RPS6KA2: variants seen among roughly 807,000 people sequenced by gnomAD.
RPS6KA2 encodes ribosomal protein S6 kinase alpha-2.
In RPS6KA2, 42 loss-of-function variants were observed where a neutral mutation model predicts 91.8. The ratio of observed to expected loss-of-function variants is 0.46; its 90% CI spans 0.36 to 0.59. The LOEUF is 0.59. Ranked by LOEUF, RPS6KA2 falls within the 20% of genes least tolerant of loss-of-function variation. The probability of loss-of-function intolerance (pLI) is 0.00; values close to 1 mark genes in which losing one functional copy is unlikely to be tolerated. For synonymous variants in RPS6KA2, 414 were observed against 393.6 expected (o/e 1.05, Z -0.61); for missense variants, 798 against 978.5 (o/e 0.82, Z 2.46).
At chr6:166,581,193 G>T (rs1181480520) in intron 1 of RPS6KA2, among the ~76,000 whole-genome samples, 1 of 152,154 alleles carries the variant, frequency 6.6e-6, no homozygotes, top group Non-Finnish European at 1.5e-5. Context: ...GTCTGGCCAG[G>T]GCTGAGGAAT....
In RPS6KA2 at chr6:166,603,565, G is replaced by C. The variant is rs1785828950; in HGVS notation, c.99+23356C>G. On this transcript the variant is annotated intron_variant, in intron 1 of 20. Transcript: ENST00000265678. This position sits in a 1 kb window ranked among gnomAD's most constrained non-coding sequence, Gnocchi z 4.3. Reference sequence around the variant, plus strand: ...GAGGGCGCCCAGGTAAAGGGCTTTGGCATGGAAGTGCAGGTTGCTGAAGGA... The same window carrying C: ...GAGGGCGCCCAGGTAAAGGGCTTTGCCATGGAAGTGCAGGTTGCTGAAGGA... 6.6e-6 allele frequency among the ~76,000 whole-genome samples: 1 copy of C among 152,172 alleles called. No homozygotes were observed. The highest frequency in any genetic ancestry group is 6.5e-5 in the Admixed American group (1 of 15,288).
At chr6:166,564,749 G>C (rs1374720343) in intron 1 of RPS6KA2, among the ~76,000 whole-genome samples, 1 of 152,164 alleles carries the variant, frequency 6.6e-6, no homozygotes, top group African/African-American at 2.4e-5. Context: ...CTTTCTATGG[G>C]GGAAAGTCCT....
At chr6:166,839,693 G>GA (rs1278309988) in intron 2 of RPS6KA2, among the ~76,000 whole-genome samples, 13 of 114,622 alleles carry the variant, frequency 1.1e-4, no homozygotes, top group African/African-American at 2.0e-4. Flanking sequence ...GAGAGGAGAG[G>GA]GGAGGAGAGG....
intron 5 of RPS6KA2, 120 bp from the exon 6 acceptor site, chr6:166,504,732 G>A: frequency 1.5e-6 from 1 of 647,362 alleles, no homozygotes; most frequent in South Asian, 1.9e-5. Context: ...TTGCTCTGTG[G>A]AACGCTATGG....
chr6:166,590,835 T>C (rs1282109220), intron 1 of RPS6KA2, among the ~76,000 whole-genome samples: 1 of 151,684 alleles, frequency 6.6e-6, no homozygotes, highest in Non-Finnish European at 1.5e-5. Flanking sequence ...GCAAAGAGCA[T>C]AAATAAGGGA....
intron 2 of RPS6KA2, among the ~76,000 whole-genome samples, chr6:166,794,346 G>T (rs1307297074): frequency 6.6e-6 from 1 of 151,958 alleles, no homozygotes; most frequent in Non-Finnish European, 1.5e-5. Flanking sequence ...ATTAAAAAGT[G>T]AGGAAACAAC....
At chr6:166,543,089 C>T (rs571918070) in intron 1 of RPS6KA2, among the ~76,000 whole-genome samples, 1 of 152,208 alleles carries the variant, frequency 6.6e-6, no homozygotes, top group Non-Finnish European at 1.5e-5. Context: ...CTGCTGCTGA[C>T]GGCATGAACT....
At chr6:166,622,233 A>G (rs1335420508) in intron 1 of RPS6KA2, among the ~76,000 whole-genome samples, 1 of 152,198 alleles carries the variant, frequency 6.6e-6, no homozygotes, top group Non-Finnish European at 1.5e-5. Context: ...CAACAACACT[A>G]TTTCGGGGAT....
chr6:166,624,980 C>T (rs1029571658), intron 1 of RPS6KA2, among the ~76,000 whole-genome samples: 4 of 152,018 alleles, frequency 2.6e-5, no homozygotes, highest in South Asian at 2.1e-4. Flanking sequence ...ATTACAGGCA[C>T]GCGCCACCAT....
At chr6:166,568,062 C>T (rs920948573) in intron 1 of RPS6KA2, among the ~76,000 whole-genome samples, 2 of 152,174 alleles carry the variant, frequency 1.3e-5, no homozygotes, top group African/African-American at 2.4e-5. Flanking sequence ...GCCCCAGAAT[C>T]GGCCCTTGGA....
chr6:166,743,606 C>T (rs1344107995), intron 2 of RPS6KA2, among the ~76,000 whole-genome samples: 2 of 152,244 alleles, frequency 1.3e-5, no homozygotes, highest in Non-Finnish European at 2.9e-5. Flanking sequence ...GGGGAGCTAC[C>T]GCCGTCTCTT....
At chr6:166,607,675 TAACAGTTGCAC>T (rs1437526088) in intron 1 of RPS6KA2, among the ~76,000 whole-genome samples, 2 of 152,106 alleles carry the variant, frequency 1.3e-5, no homozygotes, top group African/African-American at 4.8e-5. Flanking sequence ...ACAGATGTGG[TAACAGTTGCAC>T]AACCTTGTGA....
upstream of RPS6KA2, among the ~76,000 whole-genome samples, chr6:166,632,187 T>C (rs1787100079): frequency 1.3e-5 from 2 of 152,174 alleles, no homozygotes; most frequent in South Asian, 4.1e-4. Context: ...TTCCACTTAG[T>C]ATGATGTCCC....
chr6:166,578,243 C>T (rs1037305469), intron 1 of RPS6KA2, among the ~76,000 whole-genome samples: 20 of 152,218 alleles, frequency 1.3e-4, no homozygotes, highest in African/African-American at 4.1e-4. Context: ...TCAGAAGCCA[C>T]GTGCCGTAGA....
chr6:166,435,037 C>G lies in RPS6KA2; in HGVS notation c.1333-2547G>C, dbSNP rs1426629262. Reference sequence around the variant, plus strand: ...CACATGAATTTTTAAAAATTTTGAACCACAAGAATATATTGTCTATTCAAA... The same window carrying G: ...CACATGAATTTTTAAAAATTTTGAAGCACAAGAATATATTGTCTATTCAAA... On this transcript the variant is annotated intron_variant, in intron 14 of 20. Transcript: ENST00000265678. The surrounding 1 kb of genome is among the most constrained non-coding windows in gnomAD (Gnocchi z 4.3). Among the ~76,000 whole-genome samples the G allele has an allele frequency of 2.0e-5, 3 of 152,098 alleles. No homozygotes were observed. Among genetic ancestry groups the G allele is most frequent in the Admixed American group, 6.5e-5 (1 of 15,270 alleles).
intron 2 of RPS6KA2, among the ~76,000 whole-genome samples, chr6:166,842,004 C>A (rs929042696): frequency 6.6e-6 from 1 of 152,084 alleles, no homozygotes; most frequent in Admixed American, 6.5e-5. Context: ...CGAACAAAAG[C>A]CAGTGCCCAG....
chr6:166,559,600 G>C (rs1288733930), intron 1 of RPS6KA2, among the ~76,000 whole-genome samples: 1 of 152,176 alleles, frequency 6.6e-6, no homozygotes, highest in Non-Finnish European at 1.5e-5. Flanking sequence ...ACTTGTATGA[G>C]TAAAAACGAT....
intron 3 of RPS6KA2, among the ~76,000 whole-genome samples, chr6:166,517,814 G>A (rs972712317): frequency 2.0e-5 from 3 of 152,172 alleles, no homozygotes; most frequent in African/African-American, 7.2e-5. Context: ...CAGCATGAGC[G>A]ATCTGTGCCT....
intron 1 of RPS6KA2, among the ~76,000 whole-genome samples, chr6:166,568,955 CTTTT>C (rs144495496): frequency 6.6e-6 from 1 of 152,032 alleles, no homozygotes; most frequent in African/African-American, 2.4e-5. Context: ...TGAACAAGTA[CTTTT>C]TTTTCCTCTT....
Sources: allele counts gnomAD v4.1 joint callset (sites outside exome capture counted in the v4.1 genomes callset), GRCh38; gene constraint gnomAD v4.1.1; non-coding constraint Gnocchi (gnomAD v3.1); transcripts MANE v1.5; gene names NCBI Gene and HGNC (gene_info 2026-07-23, HGNC 2026-07-21).